The following CPNE4 variants were observed in gnomAD, a reference collection of about 807,000 sequenced individuals.
CPNE4 encodes the protein copine 4, also known as copine-4.
In CPNE4, 25 loss-of-function variants were observed where a neutral mutation model predicts 67.9. That is an observed-to-expected ratio of 0.37 (90% CI 0.27 to 0.51). The LOEUF is 0.51. Ranked by LOEUF, CPNE4 falls within the 20% of genes least tolerant of loss-of-function variation. CPNE4 has a pLI of 0.93. For missense variants in CPNE4, 464 were observed against 690.8 expected (o/e 0.67, Z 3.68); for synonymous variants, 242 against 244.9 (o/e 0.99, Z 0.11).
intron 2 of CPNE4, among the ~76,000 whole-genome samples, chr3:131,790,578 T>C (rs754716973): frequency 1.2e-4 from 19 of 152,292 alleles, no homozygotes; most frequent in Middle Eastern, 3.4e-3. Context: ...CTAGAAATCC[T>C]GCCCTTCTTT....
intron 1 of CPNE4, among the ~76,000 whole-genome samples, chr3:131,930,882 C>T (rs559003144): frequency 2.0e-5 from 3 of 152,088 alleles, no homozygotes; most frequent in Non-Finnish European, 4.4e-5. Flanking sequence ...GAAACAGGTA[C>T]TTTCAAAATT....
Position 131,615,891 on chromosome 3 carries a change from T to TCACACACACA in CPNE4, c.682-28319_682-28310dup, listed in dbSNP as rs746630965. 5.4e-3 allele frequency among the ~76,000 whole-genome samples: 586 copies of TCACACACACA among 107,780 alleles called. 4 individuals carry two copies. Among genetic ancestry groups the TCACACACACA allele is most frequent in the African/African-American group, 0.026 (558 of 21,808 alleles). The allele number at this position is 107,780 out of a possible 152,430, so 70.7% of individuals were successfully genotyped here. A position where few individuals can be genotyped will look rare whatever the true frequency, so the allele number is the denominator to read the frequency against. ...AAGAGCAAAACCCCATCTCTCTCTC[T>TCACACACACA]CACACACACACACACACACACACAC... On this transcript the variant is annotated intron_variant, in intron 7 of 15. Transcript: ENST00000429747.
chr3:131,730,664 G>C (rs1197980030), intron 2 of CPNE4, among the ~76,000 whole-genome samples: 2 of 152,284 alleles, frequency 1.3e-5, no homozygotes, highest in South Asian at 2.1e-4. Context: ...TGAACACAGG[G>C]AGAATGCCAT....
At chr3:131,811,722 T>C (rs1167040739) in intron 2 of CPNE4, among the ~76,000 whole-genome samples, 1 of 152,178 alleles carries the variant, frequency 6.6e-6, no homozygotes, top group Non-Finnish European at 1.5e-5. Context: ...AATAGTATAG[T>C]TAATCAGGAT....
intron 1 of CPNE4, chr3:131,985,816 C>T (rs1230870153): frequency 6.5e-6 from 1 of 154,066 alleles, no homozygotes; most frequent in Non-Finnish European, 1.5e-5. Context: ...GCTACCTAGT[C>T]CATGTACTGA....
At chr3:131,967,175 C>G (rs940397538) in intron 1 of CPNE4, among the ~76,000 whole-genome samples, 1 of 152,200 alleles carries the variant, frequency 6.6e-6, no homozygotes, top group Non-Finnish European at 1.5e-5. Flanking sequence ...ATTCAACACA[C>G]TTTCATGCTA....
chr3:131,838,365 G>A (rs1185447803), intron 2 of CPNE4, among the ~76,000 whole-genome samples: 4 of 151,604 alleles, frequency 2.6e-5, no homozygotes, highest in Admixed American at 6.6e-5. Flanking sequence ...AGTCTTATTA[G>A]AGCACCCAAG....
chr3:131,546,541 C>T (rs1202038259), intron 14 of CPNE4, among the ~76,000 whole-genome samples: 2 of 152,124 alleles, frequency 1.3e-5, no homozygotes, highest in African/African-American at 2.4e-5. Flanking sequence ...CAGGAGAAAC[C>T]TCTGGGGAAA....
intron 2 of CPNE4, among the ~76,000 whole-genome samples, chr3:131,871,624 C>T (rs1650620785): frequency 6.6e-6 from 1 of 152,282 alleles, no homozygotes; most frequent in East Asian, 1.9e-4. Flanking sequence ...CTCAAAATAA[C>T]ATACCCTCAT....
At chr3:131,902,810 T>A (rs1425855710) in intron 2 of CPNE4, among the ~76,000 whole-genome samples, 1 of 152,140 alleles carries the variant, frequency 6.6e-6, no homozygotes, top group Non-Finnish European at 1.5e-5. Flanking sequence ...GGCATTCCAT[T>A]TAGTTTTGTT....
intron 2 of CPNE4, among the ~76,000 whole-genome samples, chr3:131,827,315 C>T (rs2085200599): frequency 6.6e-6 from 1 of 152,146 alleles, no homozygotes; most frequent in Non-Finnish European, 1.5e-5. Flanking sequence ...CCTCACTGCA[C>T]ACATGACTTT....
intron 7 of CPNE4, among the ~76,000 whole-genome samples, chr3:131,600,409 C>G (rs1024444501): frequency 6.6e-6 from 1 of 152,222 alleles, no homozygotes; most frequent in Admixed American, 6.5e-5. Flanking sequence ...TTGAAACTTG[C>G]AAGGAAATGA....
intron 1 of CPNE4, among the ~76,000 whole-genome samples, chr3:132,022,795 C>T (rs1997387): frequency 0.92 from 140,015 of 152,294 alleles, 64,595 homozygotes; most frequent in African/African-American, 0.95. Flanking sequence ...AACAGTCAGA[C>T]AACTATCTGA....
upstream of CPNE4, among the ~76,000 whole-genome samples, chr3:132,036,347 T>C (rs969710239): frequency 6.6e-6 from 1 of 152,028 alleles, no homozygotes; most frequent in Non-Finnish European, 1.5e-5. Context: ...ACTTCCACAA[T>C]GTCTAGGAGC....
At chr3:131,970,101 C>G (rs1381989634) in intron 1 of CPNE4, among the ~76,000 whole-genome samples, 1 of 152,152 alleles carries the variant, frequency 6.6e-6, no homozygotes. Context: ...TTGCTTTGGC[C>G]AGTGAAATGG....
At chr3:131,823,686 A>G (rs1384289792) in intron 2 of CPNE4, among the ~76,000 whole-genome samples, 1 of 152,228 alleles carries the variant, frequency 6.6e-6, no homozygotes, top group Non-Finnish European at 1.5e-5. Flanking sequence ...AAGGTTAGGT[A>G]TGAAGGCCAA....
At chr3:131,653,891 A>G (rs2079881918) in intron 7 of CPNE4, among the ~76,000 whole-genome samples, 1 of 152,240 alleles carries the variant, frequency 6.6e-6, no homozygotes, top group African/African-American at 2.4e-5. Flanking sequence ...AGAAACACTG[A>G]GAGATCTTGT....
chr3:131,816,330 C>T (rs1288524424), intron 2 of CPNE4, among the ~76,000 whole-genome samples: 1 of 152,126 alleles, frequency 6.6e-6, no homozygotes, highest in East Asian at 1.9e-4. Context: ...AGTTTTATAT[C>T]TTCTTTTTAT....
At chr3:131,845,853 A>T (rs78309196) in intron 2 of CPNE4, among the ~76,000 whole-genome samples, 3,075 of 152,298 alleles carry the variant, frequency 0.02, 95 homozygotes, top group African/African-American at 0.068. Context: ...TAGAGGAAAA[A>T]AATTCTGGAT....
Sources: allele counts gnomAD v4.1 joint callset (sites outside exome capture counted in the v4.1 genomes callset), GRCh38; gene constraint gnomAD v4.1.1; transcripts MANE v1.5; gene names NCBI Gene and HGNC (gene_info 2026-07-23, HGNC 2026-07-21).